Variants in SH3GL2 observed in about 807,000 individuals in gnomAD.
SH3GL2 encodes the protein endophilin-A1.
In SH3GL2, 24 loss-of-function variants were observed where a neutral mutation model predicts 46.0. The observed-to-expected ratio is 0.52, with a 90% CI of 0.38 to 0.73. The LOEUF (loss-of-function observed/expected upper bound fraction) is 0.73. Among genes scored for constraint, SH3GL2 ranks in the 30% least tolerant of loss-of-function variants. The pLI is 0.00. For missense variants in SH3GL2, 413 were observed against 424.2 expected (o/e 0.97, Z 0.23); for synonymous variants, 196 against 147.1 (o/e 1.33, Z -2.40).
intron 1 of SH3GL2, among the ~76,000 whole-genome samples, chr9:17,660,393 T>C (rs1001486382): frequency 2.0e-5 from 3 of 152,176 alleles, no homozygotes; most frequent in Non-Finnish European, 4.4e-5. Flanking sequence ...GCCTACAGCG[T>C]TCTACCCTGA....
chr9:17,700,524 C>G (rs1481070421), intron 1 of SH3GL2, among the ~76,000 whole-genome samples: 5 of 152,174 alleles, frequency 3.3e-5, no homozygotes, highest in Non-Finnish European at 7.3e-5. Flanking sequence ...GAACTAATTG[C>G]TGAATATTTG....
At chr9:17,735,779 A>G (rs1822316908) in intron 1 of SH3GL2, 1 of 974,612 alleles carries the variant, frequency 1.0e-6, no homozygotes. Context: ...ACACATGGAA[A>G]GCATAATAGG....
At chr9:17,728,926 C>T (rs1156350769) in intron 1 of SH3GL2, among the ~76,000 whole-genome samples, 1 of 152,058 alleles carries the variant, frequency 6.6e-6, no homozygotes, top group Non-Finnish European at 1.5e-5. Context: ...AATACTGTGG[C>T]AATAAATATA....
intron 8 of SH3GL2, 59 bp downstream of exon 8, chr9:17,793,556 TCC>T: frequency 6.4e-7 from 1 of 1,556,308 alleles, no homozygotes; most frequent in Non-Finnish European, 8.7e-7. Context: ...TTGGCACTCT[TCC>T]AGAAATTTTA....
At position 17,654,767 on chromosome 9, in the gene SH3GL2, C is replaced by T. The variant is rs372046845; in HGVS notation, c.45+75480C>T. 3.6e-4 allele frequency among the ~76,000 whole-genome samples: 54 copies of T among 152,112 alleles called. 1 individual carries two copies. The highest frequency in any genetic ancestry group is 1.3e-3 in the African/African-American group (52 of 41,412). On this transcript the variant is annotated intron_variant, in intron 1 of 8. Transcript: ENST00000380607. Reference sequence around the variant, plus strand: ...TGGCAGGAATGAGAACACATTATCACGTGACAGAAGTGTAATACCCAACTG... The same window carrying T: ...TGGCAGGAATGAGAACACATTATCATGTGACAGAAGTGTAATACCCAACTG...
chr9:17,761,564 C>G, intron 3 of SH3GL2, 55 bp downstream of exon 3: 1 of 1,036,806 alleles, frequency 9.6e-7, no homozygotes, highest in Non-Finnish European at 1.5e-6. Flanking sequence ...TTTAGTTTCT[C>G]TTTGATAGAC....
intron 1 of SH3GL2, among the ~76,000 whole-genome samples, chr9:17,734,630 G>GA (rs1412567785): frequency 1.3e-5 from 2 of 152,108 alleles, no homozygotes; most frequent in Non-Finnish European, 2.9e-5. Flanking sequence ...TAAAAGGAAT[G>GA]AAGCAGTGAT....
chr9:17,745,798 G>C (rs562429802), intron 1 of SH3GL2, among the ~76,000 whole-genome samples: 47 of 152,210 alleles, frequency 3.1e-4, no homozygotes, highest in African/African-American at 1.1e-3. Flanking sequence ...ACTGTGGGTT[G>C]GTCATGGTAG....
chr9:17,580,021 G>A (rs989905009), intron 1 of SH3GL2, among the ~76,000 whole-genome samples: 2 of 152,166 alleles, frequency 1.3e-5, no homozygotes, highest in Admixed American at 6.5e-5. Flanking sequence ...CATCTTGGAT[G>A]TGCCCATTTT....
chr9:17,579,593 G>T (rs1014887770), intron 1 of SH3GL2, among the ~76,000 whole-genome samples: 6 of 152,184 alleles, frequency 3.9e-5, no homozygotes, highest in Non-Finnish European at 5.9e-5. Flanking sequence ...GACCGCGGCT[G>T]CACTGCTGCC....
Position 17,734,788 on chromosome 9 carries a change from G to C in SH3GL2, c.46-12278G>C, listed in dbSNP as rs116013194. Among the ~76,000 whole-genome samples, 760 of 152,166 alleles carry C rather than the reference G, an allele frequency of 5.0e-3. 5 individuals carry two copies. The highest frequency in any genetic ancestry group is 0.017 in the African/African-American group (720 of 41,534). ...ACAGAAGTATATGTGTGGTTACCAA[G>C]GTTGGAATGGAGTTGGGGGAAGGAG... is the stretch of plus-strand genomic sequence containing the variant. On this transcript the variant is annotated intron_variant, in intron 1 of 8. Transcript: ENST00000380607.
intron 1 of SH3GL2, among the ~76,000 whole-genome samples, chr9:17,631,635 G>A (rs1228922398): frequency 6.6e-6 from 1 of 152,116 alleles, no homozygotes; most frequent in South Asian, 2.1e-4. Flanking sequence ...AAGGCCCTAA[G>A]GTTAAATGTT....
chr9:17,718,057 C>T (rs1018947955), intron 1 of SH3GL2, among the ~76,000 whole-genome samples: 2 of 152,116 alleles, frequency 1.3e-5, no homozygotes, highest in African/African-American at 4.8e-5. Context: ...TGAATTCTCA[C>T]ATGAATTCAA....
At chr9:17,789,333 T>C in intron 5 of SH3GL2, 59 bp from the exon 6 acceptor site, 1 of 1,426,068 alleles carries the variant, frequency 7.0e-7, no homozygotes. Flanking sequence ...AGAAGTGAGC[T>C]CAAATAAGCC....
chr9:17,770,320 C>G (rs4961595), intron 3 of SH3GL2, among the ~76,000 whole-genome samples: 124,342 of 152,194 alleles, frequency 0.82, 51,096 homozygotes, highest in East Asian at 0.96. Flanking sequence ...TTTGCCCGAA[C>G]TATACAACAG....
chr9:17,616,671 C>G (rs1490895630), intron 1 of SH3GL2, among the ~76,000 whole-genome samples: 1 of 151,924 alleles, frequency 6.6e-6, no homozygotes, highest in Non-Finnish European at 1.5e-5. Context: ...AGTATTTTCT[C>G]CTGTATAATT....
chr9:17,670,653 C>T (rs944147672), intron 1 of SH3GL2, among the ~76,000 whole-genome samples: 3 of 152,342 alleles, frequency 2.0e-5, no homozygotes, highest in African/African-American at 7.2e-5. Context: ...TAGCTCTTGA[C>T]TATCTTTAGT....
intron 1 of SH3GL2, among the ~76,000 whole-genome samples, chr9:17,649,309 C>A (rs2134662630): frequency 6.6e-6 from 1 of 152,282 alleles, no homozygotes; most frequent in African/African-American, 2.4e-5. Flanking sequence ...TTAAGCGAAC[C>A]ACCTGCCTTG....
At chr9:17,776,037 C>G (rs74900661) in intron 3 of SH3GL2, among the ~76,000 whole-genome samples, 1 of 152,078 alleles carries the variant, frequency 6.6e-6, no homozygotes, top group Non-Finnish European at 1.5e-5. Flanking sequence ...AGGTCTTTCC[C>G]AAAATACTGC....
Sources: gnomAD v4.1 joint callset for allele counts (sites outside exome capture counted in the v4.1 genomes callset) on GRCh38, gnomAD v4.1.1 for gene constraint, MANE v1.5 for transcripts, NCBI Gene and HGNC (gene_info 2026-07-23, HGNC 2026-07-21) for gene names.